The following ADGRB3 variants were observed in gnomAD, a reference collection of about 807,000 sequenced individuals.
ADGRB3 encodes the protein adhesion G protein-coupled receptor B3.
A neutral mutation model predicts 193.4 loss-of-function variants in ADGRB3; 37 were observed. The ratio of observed to expected loss-of-function variants is 0.19; its 90% CI spans 0.15 to 0.25. The LOEUF (loss-of-function observed/expected upper bound fraction) is 0.25. Ranked by LOEUF, ADGRB3 falls within the 10% of genes least tolerant of loss-of-function variation. ADGRB3 has a pLI of 1.00. For missense variants in ADGRB3, 1,637 were observed against 1,852.9 expected (o/e 0.88, Z 2.14); for synonymous variants, 690 against 644.2 (o/e 1.07, Z -1.08).
chr6:69,255,495 A>G (rs534689460), intron 20 of ADGRB3, among the ~76,000 whole-genome samples: 6 of 152,266 alleles, frequency 3.9e-5, no homozygotes, highest in African/African-American at 1.4e-4. Flanking sequence ...TTTTGGCTGC[A>G]TAAATGTCTT....
chr6:69,050,243 A>C (rs181436722), intron 15 of ADGRB3, among the ~76,000 whole-genome samples: 4 of 152,194 alleles, frequency 2.6e-5, no homozygotes, highest in Admixed American at 2.6e-4. Context: ...AAATCACCCA[A>C]GGAAGCAGCA....
At chr6:68,811,523 C>T (rs531076078) in intron 3 of ADGRB3, among the ~76,000 whole-genome samples, 7 of 152,052 alleles carry the variant, frequency 4.6e-5, no homozygotes, top group East Asian at 3.9e-4. Context: ...GGCTGGAGTG[C>T]GGTGGGATGA....
chr6:69,173,410 A>G (rs1207163238), intron 17 of ADGRB3, among the ~76,000 whole-genome samples: 2 of 152,200 alleles, frequency 1.3e-5, no homozygotes, highest in Admixed American at 1.3e-4. Flanking sequence ...TAAACAGAAG[A>G]AAAAGTGGTC....
intron 20 of ADGRB3, among the ~76,000 whole-genome samples, chr6:69,291,310 G>C (rs1266699253): frequency 6.6e-6 from 1 of 151,984 alleles, no homozygotes; most frequent in Non-Finnish European, 1.5e-5. Flanking sequence ...CCATGTATTA[G>C]AGTATATAAA....
chr6:69,172,454 T>C (rs1050285397), intron 17 of ADGRB3, among the ~76,000 whole-genome samples: 2 of 151,250 alleles, frequency 1.3e-5, no homozygotes, highest in African/African-American at 2.4e-5. Context: ...CCATACTGGC[T>C]AACACGGTGA....
chr6:69,066,690 G>A (rs569265547), intron 16 of ADGRB3, among the ~76,000 whole-genome samples: 3 of 151,976 alleles, frequency 2.0e-5, no homozygotes, highest in African/African-American at 4.8e-5. Flanking sequence ...TAAAGTTAGG[G>A]TATATGGTCT....
chr6:69,289,354 C>T (rs1212622874), intron 20 of ADGRB3, among the ~76,000 whole-genome samples: 2 of 152,090 alleles, frequency 1.3e-5, no homozygotes, highest in Non-Finnish European at 2.9e-5. Context: ...GGTAAAACAA[C>T]CAAAAATGTG....
chr6:69,007,977 A>G (rs1562119732), intron 11 of ADGRB3, among the ~76,000 whole-genome samples: 1 of 151,974 alleles, frequency 6.6e-6, no homozygotes, highest in Non-Finnish European at 1.5e-5. Context: ...GAGGTGAGGA[A>G]CCCTGCGTCC....
chr6:69,029,927 A>C (rs1040208348), intron 13 of ADGRB3, among the ~76,000 whole-genome samples: 1 of 151,848 alleles, frequency 6.6e-6, no homozygotes, highest in South Asian at 2.1e-4. Flanking sequence ...TCAAGAGAAA[A>C]AATTTATGAA....
At chr6:68,991,518 G>A (rs1158861664) in intron 10 of ADGRB3, among the ~76,000 whole-genome samples, 3 of 151,610 alleles carry the variant, frequency 2.0e-5, no homozygotes, top group Non-Finnish European at 4.4e-5. Context: ...CAAAAAGCAT[G>A]TGAATGCTTG....
chr6:68,824,836 C>T (rs1486490817), intron 3 of ADGRB3, among the ~76,000 whole-genome samples: 2 of 151,488 alleles, frequency 1.3e-5, no homozygotes, highest in African/African-American at 4.9e-5. Flanking sequence ...TAATGTGCAT[C>T]CAGTAAATCT....
chr6:68,897,691 CAG>C (rs1349665114), intron 3 of ADGRB3, among the ~76,000 whole-genome samples: 4 of 59,416 alleles, frequency 6.7e-5, no homozygotes, highest in Non-Finnish European at 8.7e-5. Flanking sequence ...GAAAGAGAAA[CAG>C]AAAGAAGAAA....
rs542731165 is a variant in ADGRB3 at position 69,195,522 on chromosome 6, C to CAA, written c.2481-37747_2481-37746dup. On this transcript the variant is annotated intron_variant, in intron 17 of 31. Coordinates refer to ENST00000370598, the MANE Select transcript of ADGRB3 (RefSeq NM_001704.3). ...TCAATGACAGAGTGATATCCTGTCT[C>CAA]AAAAAAAAAAAAAAAAAAAAAAGAC... Among the ~76,000 whole-genome samples the CAA allele has an allele frequency of 3.7e-3, 236 of 64,614 alleles. 2 individuals are homozygous for CAA. The highest frequency in any genetic ancestry group is 5.9e-3 in the African/African-American group (117 of 19,892). The allele number at this position is 64,614 out of a possible 152,430, so 42.4% of individuals were successfully genotyped here. A position where few individuals can be genotyped will look rare whatever the true frequency, so the allele number is the denominator to read the frequency against.
intron 3 of ADGRB3, among the ~76,000 whole-genome samples, chr6:68,905,087 G>A (rs933582373): frequency 6.6e-6 from 1 of 152,190 alleles, no homozygotes; most frequent in African/African-American, 2.4e-5. Flanking sequence ...GAAAATGTAT[G>A]TCTAGATTGT....
intron 16 of ADGRB3, among the ~76,000 whole-genome samples, chr6:69,066,885 G>A (rs1337958412): frequency 2.0e-5 from 3 of 152,090 alleles, no homozygotes; most frequent in Non-Finnish European, 2.9e-5. Flanking sequence ...TGAGTGCAAT[G>A]AGTAGATCCC....
intron 30 of ADGRB3, among the ~76,000 whole-genome samples, chr6:69,381,093 A>G (rs1769938185): frequency 6.6e-6 from 1 of 151,836 alleles, no homozygotes; most frequent in Non-Finnish European, 1.5e-5. Context: ...CTGGTACTGC[A>G]TGAAAGTGTT....
At chr6:69,250,696 G>T (rs753528972) in intron 20 of ADGRB3, among the ~76,000 whole-genome samples, 8 of 152,148 alleles carry the variant, frequency 5.3e-5, no homozygotes, top group Non-Finnish European at 7.3e-5. Flanking sequence ...CATCATTCCA[G>T]GTGTAATGGA....
chr6:68,861,430 C>T (rs769350000), intron 3 of ADGRB3, among the ~76,000 whole-genome samples: 6 of 151,972 alleles, frequency 3.9e-5, no homozygotes, highest in Non-Finnish European at 4.4e-5. Flanking sequence ...GGCGTGGTGG[C>T]GGGCACCTGT....
At chr6:69,333,126 T>A in intron 24 of ADGRB3, 118 bp downstream of exon 24, 2 of 1,096,332 alleles carry the variant, frequency 1.8e-6, no homozygotes, top group Non-Finnish European at 2.6e-6. Context: ...TGTACTAGTG[T>A]GTCCAGTAGA....
Sources: allele counts gnomAD v4.1 joint callset (sites outside exome capture counted in the v4.1 genomes callset), GRCh38; gene constraint gnomAD v4.1.1; transcripts MANE v1.5; gene names NCBI Gene and HGNC (gene_info 2026-07-23, HGNC 2026-07-21).